The following DCAF6 variants were observed in gnomAD, a reference collection of about 807,000 sequenced individuals.
The protein encoded by DCAF6 is DDB1- and CUL4-associated factor 6.
In DCAF6, 54 loss-of-function variants were observed where a neutral mutation model predicts 125.1. The observed-to-expected ratio is 0.43, with a 90% confidence interval of 0.35 to 0.54. DCAF6 has a LOEUF of 0.54. Among genes scored for constraint, DCAF6 ranks in the 20% least tolerant of loss-of-function variants. The probability of loss-of-function intolerance (pLI) is 0.01; values close to 1 mark genes in which losing one functional copy is unlikely to be tolerated. For synonymous variants in DCAF6, 371 were observed against 390.4 expected, an observed-to-expected ratio of 0.95 and a Z score of 0.58; for missense variants, 934 against 1,161.7, an observed-to-expected ratio of 0.80 and a Z score of 2.85.
intron 5 of DCAF6, among the ~76,000 whole-genome samples, 185 bp downstream of exon 5, chr1:167,987,793 A>G (rs538145552): frequency 9.8e-5 from 15 of 152,288 alleles, no homozygotes; most frequent in African/African-American, 3.6e-4. Context: ...TATAATCAGA[A>G]ATTGAAAAAT....
At chr1:167,970,944 G>C (rs1263297551) in intron 3 of DCAF6, among the ~76,000 whole-genome samples, 1 of 152,098 alleles carries the variant, frequency 6.6e-6, no homozygotes, top group African/African-American at 2.4e-5. Context: ...ACCCTATTAT[G>C]GCATAGGTGA....
In DCAF6 at chr1:167,991,187, T is replaced by C. The variant is rs1056006796; in HGVS notation, c.553-17T>C. 3.7e-6 allele frequency: 6 copies of C among 1,603,442 alleles called. No homozygotes were observed. The highest frequency in any genetic ancestry group is 5.1e-6 in the Non-Finnish European group (6 of 1,175,466). On this transcript the variant is annotated splice_polypyrimidine_tract_variant and intron_variant, in intron 5 of 21. Transcript: ENST00000367840. ...CTGTATAACTATATGTAATTGGTAT[T>C]ATGTTATGTTTTGTAGGATATTTTA...
chr1:167,982,246 A>G (rs867253872), intron 4 of DCAF6, among the ~76,000 whole-genome samples: 2 of 151,346 alleles, frequency 1.3e-5, no homozygotes, highest in Admixed American at 1.3e-4. Flanking sequence ...TAATTTTTTA[A>G]GTTCTTTTTT....
chr1:168,029,182 A>G (rs1686726242), intron 12 of DCAF6, among the ~76,000 whole-genome samples: 1 of 152,168 alleles, frequency 6.6e-6, no homozygotes, highest in South Asian at 2.1e-4. Context: ...CAGTTTGTTT[A>G]ACTTAGAATT....
chr1:167,985,180 A>C (rs1679772142), intron 4 of DCAF6, among the ~76,000 whole-genome samples: 1 of 130,050 alleles, frequency 7.7e-6, no homozygotes, highest in African/African-American at 3.1e-5. Flanking sequence ...TAGCCAAACC[A>C]CGTCGTGTGT....
chr1:168,028,552 A>T (rs1199365815), intron 12 of DCAF6, among the ~76,000 whole-genome samples: 1 of 152,310 alleles, frequency 6.6e-6, no homozygotes, highest in East Asian at 1.9e-4. Context: ...ATTTGTAGGT[A>T]TGAAAAATAT....
the DCAF6 span, chr1:167,870,358 T>C: frequency 3.1e-6 from 5 of 1,613,510 alleles, no homozygotes; most frequent in South Asian, 5.5e-5. Context: ...TGCTGTTAGA[T>C]ATCAAAAATT....
At chr1:167,993,158 A>T in intron 6 of DCAF6, 68 bp from the exon 7 acceptor site, 1 of 1,312,258 alleles carries the variant, frequency 7.6e-7, no homozygotes, top group South Asian at 1.4e-5. Flanking sequence ...AATTCAGATT[A>T]AGAGTTTTAA....
chr1:167,952,887 T>C (rs1353288596), intron 2 of DCAF6, among the ~76,000 whole-genome samples: 1 of 152,200 alleles, frequency 6.6e-6, no homozygotes. Context: ...CAAATGTACT[T>C]TTCATGTACT....
At chr1:167,967,845 C>T (rs987322084) in intron 3 of DCAF6, among the ~76,000 whole-genome samples, 2 of 151,232 alleles carry the variant, frequency 1.3e-5, no homozygotes, top group Non-Finnish European at 2.9e-5. Context: ...ATTCTCCTGC[C>T]TCAGCCTCCC....
chr1:168,032,808 G>A (rs112255691), intron 12 of DCAF6, among the ~76,000 whole-genome samples: 444 of 152,268 alleles, frequency 2.9e-3, no homozygotes, highest in African/African-American at 0.01. Context: ...AGAGAAAAAT[G>A]TTGGGCATGG....
chr1:167,880,607 GC>G, the DCAF6 span: 1 of 1,608,184 alleles, frequency 6.2e-7, no homozygotes, highest in South Asian at 1.1e-5. Flanking sequence ...GGAAAGAGCA[GC>G]CCTGTGAGGG....
chr1:167,901,942 T>G, the DCAF6 span: 1 of 1,607,824 alleles, frequency 6.2e-7, no homozygotes, highest in Non-Finnish European at 8.5e-7. Context: ...GGATGCCTCC[T>G]TTGTCCCCAA....
At chr1:167,979,049 A>G (rs1336924223) in intron 4 of DCAF6, among the ~76,000 whole-genome samples, 1 of 152,172 alleles carries the variant, frequency 6.6e-6, no homozygotes, top group Admixed American at 6.5e-5. Context: ...TCCTATCCCA[A>G]AGTTATGAAG....
the DCAF6 span, chr1:167,880,065 A>G: frequency 6.6e-7 from 1 of 1,509,230 alleles, no homozygotes; most frequent in Non-Finnish European, 9.1e-7. Flanking sequence ...CCCAGTGGCA[A>G]GGTGCTGTGT....
chr1:168,037,854 G>T (rs750565473), intron 12 of DCAF6, among the ~76,000 whole-genome samples: 43 of 152,186 alleles, frequency 2.8e-4, no homozygotes, highest in Non-Finnish European at 5.0e-4. Context: ...TGCAGACTGT[G>T]ATTCCTCCCT....
At chr1:168,064,036 T>A in intron 18 of DCAF6, 1 of 176,352 alleles carries the variant, frequency 5.7e-6, no homozygotes, top group Non-Finnish European at 1.1e-5. Context: ...TTTTTCCCCC[T>A]CTCTTTCTCA....
chr1:167,967,184 T>C (rs1676546210), intron 3 of DCAF6, among the ~76,000 whole-genome samples: 1 of 152,158 alleles, frequency 6.6e-6, no homozygotes, highest in Admixed American at 6.5e-5. Flanking sequence ...TTTAGTCTTT[T>C]AGAAAATTTA....
At chr1:167,880,875 C>T in the DCAF6 span, among the ~76,000 whole-genome samples, 2 of 152,158 alleles carry the variant, frequency 1.3e-5, no homozygotes, top group African/African-American at 2.4e-5. Flanking sequence ...TCGGCCTACT[C>T]TCTCCTGTGG....
Sources: gnomAD v4.1 joint callset for allele counts (sites outside exome capture counted in the v4.1 genomes callset) on GRCh38, gnomAD v4.1.1 for gene constraint, MANE v1.5 for transcripts, NCBI Gene and HGNC (gene_info 2026-07-23, HGNC 2026-07-21) for gene names.